Variants in CAMKMT observed in about 807,000 individuals in gnomAD.
CAMKMT encodes calmodulin-lysine N-methyltransferase, also known as CaM KMT.
In CAMKMT, 53 loss-of-function variants were observed where a neutral mutation model predicts 48.0. That is an observed-to-expected ratio of 1.10 (90% CI 0.89 to 1.39). The LOEUF is 1.39. CAMKMT is among the 40% of genes most tolerant of loss of function. The pLI is 0.00. For missense variants in CAMKMT, 428 were observed against 402.7 expected (o/e 1.06, Z -0.54); for synonymous variants, 165 against 152.3 (o/e 1.08, Z -0.61).
At chr2:44,425,672 G>A (rs770435111) in intron 3 of CAMKMT, among the ~76,000 whole-genome samples, 7 of 151,772 alleles carry the variant, frequency 4.6e-5, no homozygotes, top group Non-Finnish European at 8.8e-5. Flanking sequence ...TATGTATAAG[G>A]TAGAGAGTAT....
In CAMKMT at chr2:44,715,313, C is replaced by A. The variant is rs750051888; in HGVS notation, c.583C>A (p.Gln195Lys). ...RNVQDIITRN[Q>K]KAGVFKTQKI... ...TGTGCAAGACATCATCACAAGGAAT[C>A]AGAAGGCTGGTGTGTTTAAGACCCA... The change falls in exon 7 of 11, where the codon CAG (glutamine) becomes AAG (lysine). Residue 195 changes from glutamine to lysine, a missense_variant. Physicochemically the swap from Gln to Lys is moderately conservative, Grantham distance 53 (BLOSUM62 1). Transcript: ENST00000378494. 1 of 1,612,468 alleles carries A rather than the reference C, an allele frequency of 6.2e-7. No homozygotes were observed. Among genetic ancestry groups the A allele is most frequent in the Non-Finnish European group, 8.5e-7 (1 of 1,179,266 alleles).
At chr2:44,564,341 A>C (rs1316105240) in intron 3 of CAMKMT, among the ~76,000 whole-genome samples, 1 of 151,398 alleles carries the variant, frequency 6.6e-6, no homozygotes, top group Non-Finnish European at 1.5e-5. Context: ...TGCCCGGCTA[A>C]TTTTTGTATT....
intron 3 of CAMKMT, among the ~76,000 whole-genome samples, chr2:44,474,762 T>A (rs698808): frequency 6.6e-6 from 1 of 151,982 alleles, no homozygotes; most frequent in African/African-American, 2.4e-5. Flanking sequence ...ATAACATTGC[T>A]TGATATCTCT....
At chr2:44,733,625 T>C (rs1679199201) in intron 7 of CAMKMT, among the ~76,000 whole-genome samples, 1 of 152,196 alleles carries the variant, frequency 6.6e-6, no homozygotes, top group Non-Finnish European at 1.5e-5. Context: ...TATTTTTAGG[T>C]TGCTGAAAGT....
intron 3 of CAMKMT, among the ~76,000 whole-genome samples, chr2:44,563,589 C>T (rs746785264): frequency 1.3e-5 from 2 of 152,060 alleles, no homozygotes; most frequent in Admixed American, 6.5e-5. Flanking sequence ...TCATCATTTA[C>T]GTTAGGTATA....
intron 7 of CAMKMT, among the ~76,000 whole-genome samples, chr2:44,735,339 T>C (rs571699984): frequency 1.3e-5 from 2 of 152,358 alleles, no homozygotes; most frequent in East Asian, 3.9e-4. Flanking sequence ...CAGACCATTT[T>C]TGTTTAGTAC....
intron 3 of CAMKMT, among the ~76,000 whole-genome samples, chr2:44,615,948 G>A (rs1031141919): frequency 6.6e-6 from 1 of 152,122 alleles, no homozygotes; most frequent in Non-Finnish European, 1.5e-5. Context: ...GCTGAAAACT[G>A]AATTACAGCC....
At chr2:44,535,667 A>G (rs1666735798) in intron 3 of CAMKMT, among the ~76,000 whole-genome samples, 1 of 152,238 alleles carries the variant, frequency 6.6e-6, no homozygotes, top group African/African-American at 2.4e-5. Flanking sequence ...GCACAGAAAA[A>G]GCATTAGATA....
intron 3 of CAMKMT, among the ~76,000 whole-genome samples, chr2:44,662,462 C>G (rs1165967534): frequency 6.6e-6 from 1 of 152,196 alleles, no homozygotes; most frequent in Non-Finnish European, 1.5e-5. Context: ...TTAGTCACAT[C>G]AAACTATTAA....
At chr2:44,431,798 A>G (rs756043397) in intron 3 of CAMKMT, among the ~76,000 whole-genome samples, 8 of 152,128 alleles carry the variant, frequency 5.3e-5, no homozygotes, top group Non-Finnish European at 1.2e-4. Context: ...GATGAAAACC[A>G]AGTGGTAATA....
At chr2:44,766,377 G>A in intron 9 of CAMKMT, 53 bp from the exon 10 acceptor site, 1 of 1,606,532 alleles carries the variant, frequency 6.2e-7, no homozygotes, top group Non-Finnish European at 8.5e-7. Flanking sequence ...TGTCTGTTAT[G>A]TTTGGTTACC....
intron 3 of CAMKMT, among the ~76,000 whole-genome samples, chr2:44,514,799 T>C (rs931407084): frequency 6.6e-6 from 1 of 152,250 alleles, no homozygotes; most frequent in Non-Finnish European, 1.5e-5. Context: ...GTTGTTGCTA[T>C]AGCAATGATA....
intron 3 of CAMKMT, among the ~76,000 whole-genome samples, chr2:44,511,402 C>T (rs1478825232): frequency 1.3e-5 from 2 of 152,174 alleles, no homozygotes; most frequent in African/African-American, 4.8e-5. Context: ...AATTCTCATG[C>T]CTCAGCTACC....
chr2:44,769,593 T>TA (rs1681015106), intron 10 of CAMKMT, among the ~76,000 whole-genome samples: 1 of 152,192 alleles, frequency 6.6e-6, no homozygotes, highest in Non-Finnish European at 1.5e-5. Context: ...TGCTAGTTGG[T>TA]AAAAATACTC....
rs1332080012 is a variant in CAMKMT, at chr2:44,765,608, A to G, written c.763-822A>G. Among the ~76,000 whole-genome samples, 13 of 152,100 alleles carry G rather than the reference A, an allele frequency of 8.5e-5. No individual in the cohort carries two copies. In the East Asian group the frequency reaches 2.5e-3, roughly 29 times the overall value. On this transcript the variant is annotated intron_variant, in intron 9 of 10. Transcript: ENST00000378494. ...GGGAGGAAAAATCCGCATGCATCCA[A>G]TAGTTAGCAAATGGTCATTGTGAAG...
intron 3 of CAMKMT, among the ~76,000 whole-genome samples, chr2:44,449,152 G>A (rs1667160914): frequency 6.6e-6 from 1 of 152,074 alleles, no homozygotes; most frequent in South Asian, 2.1e-4. Flanking sequence ...ACCTGTTAAA[G>A]ACAAAACAAA....
At chr2:44,434,812 A>G (rs142520623) in intron 3 of CAMKMT, among the ~76,000 whole-genome samples, 1,919 of 152,332 alleles carry the variant, frequency 0.013, 40 homozygotes, top group African/African-American at 0.044. Flanking sequence ...TAGGTTTCCA[A>G]CAAAAAATGG....
intron 7 of CAMKMT, among the ~76,000 whole-genome samples, chr2:44,735,733 C>A (rs1679318804): frequency 6.6e-6 from 1 of 151,104 alleles, no homozygotes; most frequent in Non-Finnish European, 1.5e-5. Flanking sequence ...GAAACCCCAT[C>A]TCTACTGAAA....
rs778440666 is a variant in CAMKMT at position 44,772,090 on chromosome 2, C to T, written c.949C>T (p.Leu317Phe). ...AGAAAACCTTCATTACCCGCTTCTGCTTATTTTGACCAAACATGGATAGAA... is the reference window on the plus strand; with the variant it reads ...AGAAAACCTTCATTACCCGCTTCTGTTTATTTTGACCAAACATGGATAGAA... ...YEENLHYPLL[L>F]ILTKHG Residue 317 changes from leucine to phenylalanine, a missense_variant, in exon 11 of 11, where the codon CTT becomes TTT. Transcript: ENST00000378494. 1.2e-6 allele frequency: 2 copies of T among 1,613,702 alleles called. No homozygotes were observed. The highest frequency in any genetic ancestry group is 2.2e-5 in the South Asian group (2 of 91,032).
Sources: allele counts gnomAD v4.1 joint callset (sites outside exome capture counted in the v4.1 genomes callset), GRCh38; gene constraint gnomAD v4.1.1; transcripts MANE v1.5; gene names NCBI Gene and HGNC (gene_info 2026-07-23, HGNC 2026-07-21).